The following TNC variants were observed in gnomAD, a reference collection of about 807,000 sequenced individuals.
The protein encoded by TNC is tenascin C, also known as tenascin.
Under a neutral mutation model 202.4 loss-of-function variants are expected in TNC, and 109 were observed. That is an observed-to-expected ratio of 0.54 (90% CI 0.46 to 0.63). The LOEUF (loss-of-function observed/expected upper bound fraction) is 0.63, where lower values mean the gene tolerates loss of function less well. Among genes scored for constraint, TNC ranks in the 30% least tolerant of loss-of-function variants. The probability of loss-of-function intolerance (pLI) is 0.00; values close to 1 mark genes in which losing one functional copy is unlikely to be tolerated. For synonymous variants in TNC, 1,007 were observed against 1,089.7 expected (o/e 0.92, Z 1.50); for missense variants, 2,756 against 2,833.3 (o/e 0.97, Z 0.62).
Position 115,021,282 on chromosome 9 carries a change from A to AG in TNC, c.6496-16_6496-15insC. The stretch of plus-strand genomic sequence containing the variant: ...CAGTTAACGCCCTGTTAAAAAAAAA[A>AG]AAGAGAGAGAGAGAGAGAGAGAGAA... On this transcript the variant is annotated splice_polypyrimidine_tract_variant and intron_variant, in intron 27 of 27. Transcript: ENST00000350763. The AG allele has an allele frequency of 3.4e-6, 5 of 1,490,094 alleles. No homozygotes were observed. The highest frequency in any genetic ancestry group is 4.6e-5 in the East Asian group (2 of 43,272). The allele number at this position is 1,490,094 out of a possible 1,614,324, so 92.3% of individuals were successfully genotyped here.
Position 115,021,018 on chromosome 9 carries a change from C to T in TNC, c.*139G>A. The T allele has an allele frequency of 4.7e-6, 3 of 645,116 alleles. No individual in the cohort carries two copies. The highest frequency in any genetic ancestry group is 4.1e-5 in the South Asian group (2 of 48,946). 40.0% of individuals were successfully genotyped at this position (645,116 alleles called of 1,614,324 possible). A position where few individuals can be genotyped will look rare whatever the true frequency, so the allele number is the denominator to read the frequency against. ...GAGGCCCATGCTGTTGCCGTTGGCCCCAGGGATCCATGGTCAGCTTTGACT... is the reference window on the plus strand; with the variant it reads ...GAGGCCCATGCTGTTGCCGTTGGCCTCAGGGATCCATGGTCAGCTTTGACT... On this transcript the variant is annotated 3_prime_UTR_variant, in exon 28 of 28. Coordinates refer to ENST00000350763, the MANE Select transcript of TNC (RefSeq NM_002160.4).
In TNC at chr9:115,041,301, A is replaced by G. The variant is rs12352614; in HGVS notation, c.5249-217T>C. Among the ~76,000 whole-genome samples, 3,378 of 47,488 alleles carry G rather than the reference A, an allele frequency of 0.071. 134 individuals are homozygous for G. The highest frequency in any genetic ancestry group is 0.2 in the African/African-American group (2,269 of 11,128). 31.2% of individuals were successfully genotyped at this position (47,488 alleles called of 152,430 possible). A position where few individuals can be genotyped will look rare whatever the true frequency, so the allele number is the denominator to read the frequency against. On this transcript the variant is annotated intron_variant, in intron 18 of 27. Coordinates refer to ENST00000350763, the MANE Select transcript of TNC (RefSeq NM_002160.4). Reference sequence around the variant, plus strand: ...TGGTGCAGATGCCAAAAACAAAGCCAGGAGGGGCGGGGGAAAACATGAAGT... The same window carrying G: ...TGGTGCAGATGCCAAAAACAAAGCCGGGAGGGGCGGGGGAAAACATGAAGT...
At chr9:115,116,435 A>T (rs1388338092) in intron 1 of TNC, among the ~76,000 whole-genome samples, 1 of 152,186 alleles carries the variant, frequency 6.6e-6, no homozygotes, top group African/African-American at 2.4e-5. Context: ...CAAAGCCAGA[A>T]ACTCTTCACT....
At chr9:115,042,433 A>G (rs1003273035) in intron 17 of TNC, 92 bp from the exon 18 acceptor site, 1 of 1,532,310 alleles carries the variant, frequency 6.5e-7, no homozygotes, top group Admixed American at 1.9e-5. Flanking sequence ...AGGAAAACTC[A>G]GTGCCTAGAA....
intron 1 of TNC, among the ~76,000 whole-genome samples, chr9:115,116,260 G>C (rs1051983612): frequency 1.3e-5 from 2 of 152,178 alleles, no homozygotes; most frequent in African/African-American, 4.8e-5. Flanking sequence ...TGACTGTAGA[G>C]CTTGGCAACA....
chr9:115,047,675 C>A (rs760346746), intron 16 of TNC, among the ~76,000 whole-genome samples: 6 of 152,126 alleles, frequency 3.9e-5, no homozygotes, highest in Admixed American at 3.9e-4. Flanking sequence ...TCTAGAAAGA[C>A]TTTGGGAAAC....
At chr9:115,069,613 TCCCTCTCTC>T (rs1564466976) in intron 10 of TNC, among the ~76,000 whole-genome samples, 874 of 10,366 alleles carry the variant, frequency 0.084, 151 homozygotes, top group Non-Finnish European at 0.13. Flanking sequence ...CCTCCCTCCC[TCCCTCTCTC>T]CCTCCCTCCC....
intron 4 of TNC, among the ~76,000 whole-genome samples, chr9:115,083,209 C>T (rs1834439314): frequency 6.6e-6 from 1 of 152,106 alleles, no homozygotes; most frequent in African/African-American, 2.4e-5. Context: ...GAGTGATATA[C>T]TCCACTCCAG....
chr9:115,109,994 A>C (rs1836916493), intron 1 of TNC, among the ~76,000 whole-genome samples: 1 of 152,154 alleles, frequency 6.6e-6, no homozygotes, highest in Non-Finnish European at 1.5e-5. Flanking sequence ...TTTTTCTTTT[A>C]GGAACTATAT....
At chr9:115,084,602 G>T in intron 3 of TNC, 130 bp from the exon 4 acceptor site, 2 of 1,117,368 alleles carry the variant, frequency 1.8e-6, no homozygotes, top group South Asian at 3.2e-5. Flanking sequence ...CTAAAATGCA[G>T]ATGGCATCAG....
intron 1 of TNC, among the ~76,000 whole-genome samples, chr9:115,101,109 G>A (rs948628735): frequency 6.6e-6 from 1 of 152,026 alleles, no homozygotes; most frequent in Non-Finnish European, 1.5e-5. Flanking sequence ...CAGTACATAC[G>A]TGCCAAGCCC....
intron 15 of TNC, among the ~76,000 whole-genome samples, 191 bp from the exon 16 acceptor site, chr9:115,048,723 C>T (rs928862550): frequency 6.6e-6 from 1 of 152,130 alleles, no homozygotes; most frequent in Non-Finnish European, 1.5e-5. Context: ...CTCTTAATAG[C>T]CCATGAGGTA....
At position 115,036,244 on chromosome 9, in the gene TNC, A is replaced by G. The variant is rs1431969681; in HGVS notation, c.5513-3T>C. On this transcript the variant is annotated splice_region_variant and splice_polypyrimidine_tract_variant and intron_variant, in intron 20 of 27. Transcript: ENST00000350763. ...CACCGTGCGTGTAATTTCTGGCACTAAACATGAAATACACATACCAAGGCA... is the reference window on the plus strand; with the variant it reads ...CACCGTGCGTGTAATTTCTGGCACTGAACATGAAATACACATACCAAGGCA... 6.2e-7 allele frequency: 1 copy of G among 1,614,086 alleles called. No homozygotes were observed. Among genetic ancestry groups the G allele is most frequent in the South Asian group, 1.1e-5 (1 of 91,068 alleles).
At chr9:115,094,276 G>A (rs552075560) in intron 1 of TNC, among the ~76,000 whole-genome samples, 3 of 152,100 alleles carry the variant, frequency 2.0e-5, no homozygotes, top group African/African-American at 2.4e-5. Flanking sequence ...GAGCTTGACC[G>A]CCTAGTTGAA....
At chr9:115,076,617 CAA>C in intron 7 of TNC, 42 bp from the exon 8 acceptor site, 1 of 1,601,364 alleles carries the variant, frequency 6.2e-7, no homozygotes, top group Non-Finnish European at 8.5e-7. Context: ...ATATCAGTCA[CAA>C]GAGAGCAGGA....
Position 115,064,715 on chromosome 9 carries a change from T to A in TNC, c.3419A>T (p.Tyr1140Phe). 6.2e-7 allele frequency: 1 copy of A among 1,614,228 alleles called. No homozygotes were observed. The highest frequency in any genetic ancestry group is 1.1e-5 in the South Asian group (1 of 91,088). ...DIPGLKAATP[Y>F]TVSIYGVIQG... ...GATCACCCCATAGATGGAGACTGTA[T>A]AAGGCGTAGCAGCCTTGAGGCCCGG... Residue 1140 changes from tyrosine (Y) to phenylalanine (F), a missense_variant, in exon 11 of 28, where the codon TAT becomes TTT. Tyr to Phe is a conservative substitution (Grantham distance 22). Transcript: ENST00000350763.
chr9:115,086,143 G>T lies in TNC; in HGVS notation c.1588C>A (p.Leu530Ile). 6.2e-7 allele frequency: 1 copy of T among 1,614,070 alleles called. No individual in the cohort carries two copies. The highest frequency in any genetic ancestry group is 1.1e-5 in the South Asian group (1 of 91,080). The change falls in exon 3 of 28, where the codon CTC becomes ATC. Residue 530 changes from leucine to isoleucine, a missense_variant. By Grantham distance (5) the Leu-to-Ile change is conservative. This residue lies in a region of TNC where 2,559 missense variants were observed against 2,546.0 expected (regional missense o/e 1.01). Coordinates refer to ENST00000350763, the MANE Select transcript of TNC (RefSeq NM_002160.4). ...DGFTGPDCAELSCPNDCHGQG... is the reference protein window; with the variant it reads ...DGFTGPDCAEISCPNDCHGQG... ...CCATGGCAGTCATTTGGACAGGAGA[G>T]TTCTGCACAGTCAGGGCCGGTGAAG...
chr9:115,061,573 C>A (rs1292538916), intron 13 of TNC, among the ~76,000 whole-genome samples: 1 of 152,142 alleles, frequency 6.6e-6, no homozygotes, highest in Non-Finnish European at 1.5e-5. Flanking sequence ...TAAAACCTGG[C>A]CCCCTTATTT....
rs1030353698 is a variant in TNC, at chr9:115,026,756, T to C, written c.6170-61A>G. Reference sequence around the variant, plus strand: ...GGTGACTGAGGCCCTCATTTCTATTTCACTCTGTAAAAGCGGCAACTGGGT... The same window carrying C: ...GGTGACTGAGGCCCTCATTTCTATTCCACTCTGTAAAAGCGGCAACTGGGT... On this transcript the variant is annotated intron_variant, in intron 25 of 27. Transcript: ENST00000350763. 3.8e-6 allele frequency: 6 copies of C among 1,575,170 alleles called. No homozygotes were observed. The African/African-American group carries it at 8.1e-5, about 21-fold the overall frequency.
Sources: gnomAD v4.1 joint callset for allele counts (sites outside exome capture counted in the v4.1 genomes callset) on GRCh38, gnomAD v4.1.1 for gene constraint, gnomAD v4.1.1 regional missense constraint, MANE v1.5 for transcripts, NCBI Gene and HGNC (gene_info 2026-07-23, HGNC 2026-07-21) for gene names.